The following SDR16C5 variants were observed in gnomAD, a reference collection of about 807,000 sequenced individuals.
SDR16C5 encodes the protein epidermal retinol dehydrogenase 2.
A neutral mutation model predicts 27.7 loss-of-function variants in SDR16C5; 20 were observed. The ratio of observed to expected loss-of-function variants is 0.72; its 90% CI spans 0.51 to 1.05. The LOEUF (loss-of-function observed/expected upper bound fraction) is 1.05, where lower values mean the gene tolerates loss of function less well. Ranked by LOEUF, SDR16C5 falls within the 50% of genes least tolerant of loss-of-function variation. The pLI, the probability that SDR16C5 is intolerant of heterozygous loss-of-function variation, is 0.00. For synonymous variants in SDR16C5, 139 were observed against 132.3 expected (o/e 1.05, Z -0.35); for missense variants, 374 against 366.3 (o/e 1.02, Z -0.17).
chr8:56,308,903 T>A (rs570530518), intron 4 of SDR16C5, 25 bp downstream of exon 4: 1 of 1,546,694 alleles, frequency 6.5e-7, no homozygotes, highest in African/African-American at 1.4e-5. Flanking sequence ...AATTTTGCAA[T>A]TGTAAATTGC....
Position 56,305,622 on chromosome 8 carries a change from A to G in SDR16C5, c.811T>C (p.Leu271=). 1 of 1,593,004 alleles carries G rather than the reference A, an allele frequency of 6.3e-7. No individual in the cohort carries two copies. Among genetic ancestry groups the G allele is most frequent in the Non-Finnish European group, 8.5e-7 (1 of 1,174,198 alleles). ...CTTTTAAGAAACATCATGAAGTATA[A>G]CAACTTTGGCATATACAAGTACATT... is the stretch of plus-strand genomic sequence containing the variant. ...EKMYLYMPKL[L]YFMMFLKSFL... The change falls in exon 6 of 7, where the codon TTA becomes CTA. Residue 271 remains leucine, a synonymous_variant. Coordinates refer to ENST00000303749, the MANE Select transcript of SDR16C5 (RefSeq NM_138969.4).
intron 2 of SDR16C5, among the ~76,000 whole-genome samples, chr8:56,313,202 G>A (rs1411335185): frequency 2.0e-5 from 3 of 152,196 alleles, no homozygotes; most frequent in Non-Finnish European, 2.9e-5. Context: ...ACTTTGTTCT[G>A]TGCTCTGTAT....
In SDR16C5 at chr8:56,301,263, A is replaced by G; in HGVS notation, c.*217T>C. The G allele has an allele frequency of 2.3e-6, 1 of 435,202 alleles. No homozygotes were observed. The highest frequency in any genetic ancestry group is 4.1e-6 in the Non-Finnish European group (1 of 243,092). 27.0% of individuals were successfully genotyped at this position (435,202 alleles called of 1,614,324 possible). A position where few individuals can be genotyped will look rare whatever the true frequency, so the allele number is the denominator to read the frequency against. ...AAAATGGGCTGTCTTTATTTTTGGA[A>G]AAAAAAAGAAAAAGAAAAAACCAAA... is the stretch of plus-strand genomic sequence containing the variant. On this transcript the variant is annotated 3_prime_UTR_variant, in exon 7 of 7. Coordinates refer to ENST00000303749, the MANE Select transcript of SDR16C5 (RefSeq NM_138969.4).
Position 56,300,139 on chromosome 8 carries a change from GT to G in SDR16C5, c.*1340del, listed in dbSNP as rs1814713932. 6.6e-6 allele frequency: 1 copy of G among 151,438 alleles called. No individual in the cohort carries two copies. Among genetic ancestry groups the G allele is most frequent in the Non-Finnish European group, 1.5e-5 (1 of 67,910 alleles). 9.4% of individuals were successfully genotyped at this position (151,438 alleles called of 1,614,324 possible). ...TAATTTGCTGCCGGGCACAGTAAATGTTAGTTATGATTGTTATAATATTATC... is the reference window on the plus strand; with the variant it reads ...TAATTTGCTGCCGGGCACAGTAAATGTAGTTATGATTGTTATAATATTATC... On this transcript the variant is annotated 3_prime_UTR_variant, in exon 7 of 7. Coordinates refer to ENST00000303749, the MANE Select transcript of SDR16C5 (RefSeq NM_138969.4).
At chr8:56,301,620 G>A (rs753408844) in intron 6 of SDR16C5, 47 bp from the exon 7 acceptor site, 8 of 1,390,496 alleles carry the variant, frequency 5.8e-6, no homozygotes, top group Non-Finnish European at 7.2e-6. Context: ...ATTCATGAAA[G>A]CCTCTTTACC....
intron 6 of SDR16C5, among the ~76,000 whole-genome samples, chr8:56,304,532 T>C (rs1814833888): frequency 6.6e-6 from 1 of 151,492 alleles, no homozygotes; most frequent in Admixed American, 6.6e-5. Context: ...CACAAGAATG[T>C]TTTTTGCACT....
chr8:56,315,502 G>A (rs975933555), intron 2 of SDR16C5, among the ~76,000 whole-genome samples: 3 of 152,112 alleles, frequency 2.0e-5, no homozygotes, highest in Admixed American at 2.0e-4. Context: ...TTTAAAATCA[G>A]ACAGAATATG....
chr8:56,314,142 G>A (rs955753024), intron 2 of SDR16C5, among the ~76,000 whole-genome samples: 1 of 151,954 alleles, frequency 6.6e-6, no homozygotes, highest in Non-Finnish European at 1.5e-5. Flanking sequence ...GGGAGGTGGA[G>A]TTTGCAGTGA....
chr8:56,311,779 CCTGG>C (rs1815050257), intron 3 of SDR16C5, among the ~76,000 whole-genome samples: 1 of 152,160 alleles, frequency 6.6e-6, no homozygotes, highest in African/African-American at 2.4e-5. Flanking sequence ...ACAAAGCTAC[CCTGG>C]TCCTGTCTAA....
In SDR16C5 at chr8:56,316,156, T is replaced by C. The variant is rs1021034710; in HGVS notation, c.192A>G (p.Gly64=). The C allele has an allele frequency of 5.6e-6, 9 of 1,613,920 alleles. No homozygotes were observed. The Admixed American group carries it at 1.3e-4, about 24-fold the overall frequency. Residue 64 remains glycine, a synonymous_variant, in exon 2 of 7, where the codon GGA becomes GGG. Coordinates refer to ENST00000303749, the MANE Select transcript of SDR16C5 (RefSeq NM_138969.4). ...RLLALQFARL[G]SVLVLWDINK... ...TGATATCCCAGAGAACAAGAACAGA[T>C]CCCAGCCGGGCAAACTGCAAGGCTA...
intron 1 of SDR16C5, among the ~76,000 whole-genome samples, chr8:56,319,569 C>CGGA (rs1815282160): frequency 6.6e-6 from 1 of 152,184 alleles, no homozygotes; most frequent in Non-Finnish European, 1.5e-5. Context: ...CCTCGGCTTC[C>CGGA]CATACCAGTG....
intron 6 of SDR16C5, among the ~76,000 whole-genome samples, chr8:56,302,571 G>T (rs915002943): frequency 2.6e-5 from 4 of 151,750 alleles, no homozygotes; most frequent in Non-Finnish European, 4.4e-5. Context: ...TACTCAGGAG[G>T]CTGAGGCAGG....
Position 56,314,480 on chromosome 8 carries a change from T to A in SDR16C5, c.333+1535A>T, listed in dbSNP as rs563694408. 3.9e-4 allele frequency among the ~76,000 whole-genome samples: 59 copies of A among 152,354 alleles called. 1 individual carries two copies. Among genetic ancestry groups the A allele is most frequent in the Admixed American group, 1.0e-3 (16 of 15,300 alleles). On this transcript the variant is annotated intron_variant, in intron 2 of 6. Transcript: ENST00000303749. Reference sequence around the variant, plus strand: ...GAGTGCTTCATACTAGTTTATCCCATAGCTAACAATCTTCATCGTTTGAAC... The same window carrying A: ...GAGTGCTTCATACTAGTTTATCCCAAAGCTAACAATCTTCATCGTTTGAAC...
rs1424505583 is a variant in SDR16C5 at position 56,306,738 on chromosome 8, G to C, written c.648C>G (p.Ile216Met). The C allele has an allele frequency of 2.5e-6, 4 of 1,613,800 alleles. No individual in the cohort carries two copies. The South Asian group carries it at 4.4e-5, about 18-fold the overall frequency. The change falls in exon 5 of 7, where the codon ATC becomes ATG. Residue 216 changes from isoleucine (I) to methionine (M), a missense_variant. By Grantham distance (10) the Ile-to-Met change is conservative. Coordinates refer to ENST00000303749, the MANE Select transcript of SDR16C5 (RefSeq NM_138969.4). ...AAAAGGGGCACACAATCGTGGTTTTGATCCCCTTTTGTTTTTGGACAAATG... is the reference window on the plus strand; with the variant it reads ...AAAAGGGGCACACAATCGTGGTTTTCATCCCCTTTTGTTTTTGGACAAATG... The part of the protein sequence containing the change: ...VETFVQKQKG[I>M]KTTIVCPFFI...
intron 3 of SDR16C5, 106 bp downstream of exon 3, chr8:56,312,051 G>T (rs1208289814): frequency 1.0e-6 from 1 of 958,000 alleles, no homozygotes. Flanking sequence ...AAACTGAGAA[G>T]TCTCTGCTTT....
rs148330097 is a variant in SDR16C5, at chr8:56,309,236, T to C, written c.466-209A>G. On this transcript the variant is annotated intron_variant, in intron 3 of 6. Transcript: ENST00000303749. ...CAGTTTTTTATGGCAATTCCAGTAT[T>C]ATTAAAATAATTTATTCAGACTTAT... The C allele has an allele frequency of 2.2e-4, 193 of 865,242 alleles. No individual in the cohort carries two copies. In the African/African-American group the frequency reaches 3.2e-3, roughly 14 times the overall value. The allele number at this position is 865,242 out of a possible 1,614,324, so 53.6% of individuals were successfully genotyped here.
At chr8:56,319,593 C>T (rs755078621) in intron 1 of SDR16C5, among the ~76,000 whole-genome samples, 12 of 152,182 alleles carry the variant, frequency 7.9e-5, no homozygotes, top group African/African-American at 2.7e-4. Context: ...GGCAGCAAGT[C>T]GGCTCTGGTG....
intron 4 of SDR16C5, among the ~76,000 whole-genome samples, chr8:56,307,730 T>C (rs1814921097): frequency 6.6e-6 from 1 of 151,972 alleles, no homozygotes; most frequent in African/African-American, 2.4e-5. Context: ...TGCAGCTGAG[T>C]CCCTTGACCC....
Position 56,303,816 on chromosome 8 carries a change from C to T in SDR16C5, c.836+1781G>A, listed in dbSNP as rs59837397. ...GCATTACTATACTATAATCTGCCAT[C>T]TATTAAGCAAAAAGAACTTAGTGTG... is the stretch of plus-strand genomic sequence containing the variant. On this transcript the variant is annotated intron_variant, in intron 6 of 6. Coordinates refer to ENST00000303749, the MANE Select transcript of SDR16C5 (RefSeq NM_138969.4). The T allele has an allele frequency of 4.7e-3, 2,874 of 605,992 alleles. 96 individuals are homozygous for T. In the East Asian group the frequency reaches 0.07, roughly 15 times the overall value. The allele number at this position is 605,992 out of a possible 1,614,324, so 37.5% of individuals were successfully genotyped here. A position where few individuals can be genotyped will look rare whatever the true frequency, so the allele number is the denominator to read the frequency against.
Sources: gnomAD v4.1 joint callset for allele counts (sites outside exome capture counted in the v4.1 genomes callset) on GRCh38, gnomAD v4.1.1 for gene constraint, MANE v1.5 for transcripts, NCBI Gene and HGNC (gene_info 2026-07-23, HGNC 2026-07-21) for gene names.